The following TDRD5 variants were observed in gnomAD, a reference collection of about 807,000 sequenced individuals.
TDRD5 encodes the protein tudor domain-containing protein 5.
In TDRD5, 41 loss-of-function variants were observed where a neutral mutation model predicts 120.6. That is an observed-to-expected ratio of 0.34 (90% confidence interval 0.26 to 0.44). TDRD5 has a LOEUF of 0.44. TDRD5 is among the 20% of genes least tolerant of loss of function. TDRD5 has a pLI of 1.00. For synonymous variants in TDRD5, 430 were observed against 433.7 expected (o/e 0.99, Z 0.11); for missense variants, 1,006 against 1,221.2 (o/e 0.82, Z 2.63).
In TDRD5 at chr1:179,640,049, C is replaced by T. The variant is rs1677960691; in HGVS notation, c.1731C>T (p.Leu577=). The T allele has an allele frequency of 6.2e-7, 1 of 1,613,816 alleles. No individual in the cohort carries two copies. The highest frequency in any genetic ancestry group is 1.3e-5 in the African/African-American group (1 of 74,948). Reference sequence around the variant, plus strand: ...TTCAGAAGTCCTCCCTGAGGTTCCTCAAGTGAGTTGAATTGAATTAGAACA... The same window carrying T: ...TTCAGAAGTCCTCCCTGAGGTTCCTTAAGTGAGTTGAATTGAATTAGAACA... ...GIVQKSSLRF[L]KCCYTKLPAQ... is the part of the protein sequence containing the mutation. The change falls in exon 10 of 18, where the codon CTC becomes CTT. Residue 577 remains leucine (L), a splice_region_variant and synonymous_variant. Coordinates refer to ENST00000444136, the MANE Select transcript of TDRD5 (RefSeq NM_001199085.3).
At chr1:179,649,414 C>T (rs947391760) in intron 11 of TDRD5, among the ~76,000 whole-genome samples, 2 of 151,876 alleles carry the variant, frequency 1.3e-5, no homozygotes, top group East Asian at 1.9e-4. Flanking sequence ...ACCTTTCTAT[C>T]GTATTTTACA....
At chr1:179,686,085 T>G (rs1171727117) in intron 17 of TDRD5, among the ~76,000 whole-genome samples, 2 of 152,190 alleles carry the variant, frequency 1.3e-5, no homozygotes, top group Non-Finnish European at 2.9e-5. Flanking sequence ...CTATGTTGAA[T>G]AGGAGTGGTG....
At chr1:179,675,478 A>G (rs1680099097) in intron 17 of TDRD5, among the ~76,000 whole-genome samples, 2 of 149,890 alleles carry the variant, frequency 1.3e-5, no homozygotes, top group African/African-American at 4.9e-5. Context: ...ACGGGGTTTC[A>G]CCGTGTTAGC....
rs1216659215 is a variant in TDRD5, at chr1:179,640,366, TTATC to T, written c.1734-9_1734-6del. On this transcript the variant is annotated splice_polypyrimidine_tract_variant and intron_variant, in intron 10 of 17. Transcript: ENST00000444136. ...AGGAAGATTGAACTTACATATTTGATTATCTATTGCAGGTGCTGCTACACAAAGC... is the reference window on the plus strand; with the variant it reads ...AGGAAGATTGAACTTACATATTTGATTATTGCAGGTGCTGCTACACAAAGC... 6.2e-7 allele frequency: 1 copy of T among 1,613,942 alleles called. No individual in the cohort carries two copies. Among genetic ancestry groups the T allele is most frequent in the East Asian group, 2.2e-5 (1 of 44,886 alleles).
chr1:179,665,033 A>G (rs1679493685), intron 16 of TDRD5, among the ~76,000 whole-genome samples: 1 of 152,080 alleles, frequency 6.6e-6, no homozygotes, highest in Admixed American at 6.5e-5. Context: ...ATGGCTAATG[A>G]TGTTGGGTGT....
rs576548678 is a variant in TDRD5, at chr1:179,684,538, T to C, written c.2861-6158T>C. Among the ~76,000 whole-genome samples the C allele has an allele frequency of 6.6e-5, 10 of 152,338 alleles. No homozygotes were observed. In the East Asian group the frequency reaches 1.9e-3, roughly 29 times the overall value. ...TGCATGTTTCTTTATAGCAGCAGGA[T>C]TTATAATCCTTTGGGTATATACCCA... is the stretch of plus-strand genomic sequence containing the variant. On this transcript the variant is annotated intron_variant, in intron 17 of 17. Transcript: ENST00000444136.
At chr1:179,602,551 G>A (rs976860489) in intron 4 of TDRD5, among the ~76,000 whole-genome samples, 1 of 152,178 alleles carries the variant, frequency 6.6e-6, no homozygotes, top group African/African-American at 2.4e-5. Flanking sequence ...GTTGATTTTT[G>A]TGTAAGGTGA....
chr1:179,600,831 CA>C (rs1354258919), intron 4 of TDRD5, among the ~76,000 whole-genome samples: 1 of 152,142 alleles, frequency 6.6e-6, no homozygotes, highest in African/African-American at 2.4e-5. Flanking sequence ...TAGGAAAACT[CA>C]TTTTCAGGTC....
chr1:179,651,793 G>A (rs1678728531), intron 12 of TDRD5, among the ~76,000 whole-genome samples: 1 of 151,208 alleles, frequency 6.6e-6, no homozygotes, highest in Non-Finnish European at 1.5e-5. Context: ...CGTGCCTGTA[G>A]TCCCAGCTAC....
intron 4 of TDRD5, among the ~76,000 whole-genome samples, chr1:179,612,030 C>A (rs1376691935): frequency 1.3e-5 from 2 of 152,100 alleles, no homozygotes; most frequent in Non-Finnish European, 2.9e-5. Flanking sequence ...AACTGTAGAT[C>A]TATTAGTTTG....
intron 4 of TDRD5, among the ~76,000 whole-genome samples, chr1:179,618,166 C>T (rs1401694851): frequency 3.3e-5 from 5 of 152,172 alleles, no homozygotes; most frequent in Non-Finnish European, 7.4e-5. Flanking sequence ...AAAAACTTTT[C>T]CTTCCTGTCC....
In TDRD5 at chr1:179,662,278, C is replaced by G. The variant is rs775742289; in HGVS notation, c.2497C>G (p.Pro833Ala). Residue 833 changes from proline to alanine, a missense_variant, in exon 15 of 18, where the codon CCA becomes GCA. Transcript: ENST00000444136. ...TCAGTATTCATCATGTAAAGAAATGCCACAGAAGGTTAGATCCTTGGAAAA... is the reference window on the plus strand; with the variant it reads ...TCAGTATTCATCATGTAAAGAAATGGCACAGAAGGTTAGATCCTTGGAAAA... ...KNQYSSCKEMPQKDWCFSTPK... is the reference protein window; with the variant it reads ...KNQYSSCKEMAQKDWCFSTPK... 6.2e-6 allele frequency: 10 copies of G among 1,606,892 alleles called. No homozygotes were observed. Among genetic ancestry groups the G allele is most frequent in the Non-Finnish European group, 8.5e-6 (10 of 1,177,788 alleles).
At chr1:179,607,592 T>G (rs1039432091) in intron 4 of TDRD5, among the ~76,000 whole-genome samples, 3 of 152,000 alleles carry the variant, frequency 2.0e-5, no homozygotes, top group Non-Finnish European at 4.4e-5. Context: ...GTTTTCAACC[T>G]ATATTTTTAA....
chr1:179,633,564 C>CTGG (rs1251180505), intron 7 of TDRD5, among the ~76,000 whole-genome samples: 1 of 151,754 alleles, frequency 6.6e-6, no homozygotes, highest in African/African-American at 2.4e-5. Flanking sequence ...ATTGGCCAGG[C>CTGG]TGGTCTTGAA....
chr1:179,680,464 C>G (rs1337546021), intron 17 of TDRD5, among the ~76,000 whole-genome samples: 2 of 152,088 alleles, frequency 1.3e-5, no homozygotes, highest in Non-Finnish European at 2.9e-5. Flanking sequence ...AACTTTGAAG[C>G]TCTGTTAATT....
chr1:179,640,687 AG>A (rs1225453716), intron 11 of TDRD5, among the ~76,000 whole-genome samples: 1 of 152,240 alleles, frequency 6.6e-6, no homozygotes, highest in Non-Finnish European at 1.5e-5. Flanking sequence ...GTTTCTGCCC[AG>A]GGTAATCAGG....
intron 1 of TDRD5, chr1:179,592,346 C>T (rs974484526): frequency 7.4e-6 from 3 of 405,180 alleles, no homozygotes; most frequent in Non-Finnish European, 1.4e-5. Context: ...GTCCAACACC[C>T]GACAGGAACC....
chr1:179,683,664 T>G (rs1680546861), intron 17 of TDRD5, among the ~76,000 whole-genome samples: 1 of 152,238 alleles, frequency 6.6e-6, no homozygotes. Context: ...TCTATGTTTT[T>G]AAGATCTAGA....
At chr1:179,592,466 G>A (rs181283351) in intron 1 of TDRD5, 136 bp from the exon 2 acceptor site, 113 of 664,014 alleles carry the variant, frequency 1.7e-4, no homozygotes, top group Non-Finnish European at 2.0e-4. Context: ...AAGCCGCAGG[G>A]CACCCTCATA....
Sources: allele counts gnomAD v4.1 joint callset (sites outside exome capture counted in the v4.1 genomes callset), GRCh38; gene constraint gnomAD v4.1.1; transcripts MANE v1.5; gene names NCBI Gene and HGNC (gene_info 2026-07-23, HGNC 2026-07-21).